Variants in PLCZ1 observed in about 807,000 individuals in gnomAD.
PLCZ1 encodes 1-phosphatidylinositol 4,5-bisphosphate phosphodiesterase zeta-1.
A neutral mutation model predicts 76.8 loss-of-function variants in PLCZ1; 64 were observed. The observed-to-expected ratio is 0.83, with a 90% CI of 0.68 to 1.03. The LOEUF (loss-of-function observed/expected upper bound fraction) is 1.03, where lower values mean the gene tolerates loss of function less well. PLCZ1 is among the 50% of genes least tolerant of loss of function. PLCZ1 has a pLI of 0.00. For synonymous variants in PLCZ1, 248 were observed against 230.8 expected, an observed-to-expected ratio of 1.07 and a Z score of -0.68; for missense variants, 751 against 713.7, an observed-to-expected ratio of 1.05 and a Z score of -0.60.
chr12:18,712,899 G>C lies in PLCZ1; in HGVS notation c.657C>G (p.Leu219=). ...CAGTTTTAAACAGAAGTTTGCTTGT[G>C]AGTGTGTAGCCATGATATACAACAG... ...NEPVVYHGYT[L]TSKLLFKTVI... Residue 219 remains leucine, a synonymous_variant, in exon 6 of 15, where the codon CTC becomes CTG. Coordinates refer to ENST00000266505, the MANE Select transcript of PLCZ1 (RefSeq NM_033123.4). The C allele has an allele frequency of 6.2e-7, 1 of 1,613,958 alleles. No homozygotes were observed. Among genetic ancestry groups the C allele is most frequent in the Non-Finnish European group, 8.5e-7 (1 of 1,179,866 alleles).
Position 18,701,704 on chromosome 12 carries a change from A to G in PLCZ1, c.937T>C (p.Ser313Pro). The G allele has an allele frequency of 6.2e-7, 1 of 1,613,002 alleles. No individual in the cohort carries two copies. Among genetic ancestry groups the G allele is most frequent in the Non-Finnish European group, 8.5e-7 (1 of 1,179,800 alleles). Residue 313 changes from serine to proline, a missense_variant, in exon 8 of 15, where the codon TCT (serine) becomes CCT (proline). Coordinates refer to ENST00000266505, the MANE Select transcript of PLCZ1 (RefSeq NM_033123.4). Reference sequence around the variant, plus strand: ...TCCTCCACCTTACCACGCTTATCAGAACCTTTTCTTTCATGGGTTTCCTTT... The same window carrying G: ...TCCTCCACCTTACCACGCTTATCAGGACCTTTTCTTTCATGGGTTTCCTTT... ...TLKETHERKG[S>P]DKRGDNQDKE...
At position 18,691,503 on chromosome 12, in the gene PLCZ1, A is replaced by T. The variant is rs1165862229; in HGVS notation, c.1462-3285T>A. Reference sequence around the variant, plus strand: ...GGTTTAAGGAAAGACTTTAGTTAACATAAATATCTTAAGGGAAGGCAGAGA... The same window carrying T: ...GGTTTAAGGAAAGACTTTAGTTAACTTAAATATCTTAAGGGAAGGCAGAGA... On this transcript the variant is annotated intron_variant, in intron 12 of 14. Transcript: ENST00000266505. Among the ~76,000 whole-genome samples, 6 of 152,270 alleles carry T rather than the reference A, an allele frequency of 3.9e-5. No homozygotes were observed. In the South Asian group the frequency reaches 6.2e-4, roughly 16 times the overall value.
chr12:18,683,343 C>G lies in PLCZ1; in HGVS notation c.1742-19G>C, dbSNP rs768586930. 1.2e-5 allele frequency: 20 copies of G among 1,607,778 alleles called. No individual in the cohort carries two copies. The highest frequency in any genetic ancestry group is 8.4e-5 in the Admixed American group (5 of 59,782). ...CGATAACCTGCAAAAGGAATTATAT[C>G]TAATTAGACCAATAACCAATTAATC... On this transcript the variant is annotated intron_variant, in intron 14 of 14. Transcript: ENST00000266505.
the PLCZ1 span, among the ~76,000 whole-genome samples, chr12:18,664,371 T>C: frequency 2.6e-5 from 4 of 152,210 alleles, no homozygotes; most frequent in African/African-American, 9.7e-5. Context: ...GTAACCCAAA[T>C]ATCCATTGAT....
intron 11 of PLCZ1, among the ~76,000 whole-genome samples, chr12:18,695,804 T>G (rs1430150320): frequency 6.6e-6 from 1 of 152,068 alleles, no homozygotes; most frequent in Non-Finnish European, 1.5e-5. Flanking sequence ...ATGATAGAGG[T>G]CACTTGATTT....
chr12:18,647,723 A>G, the PLCZ1 span, among the ~76,000 whole-genome samples: 1 of 152,176 alleles, frequency 6.6e-6, no homozygotes, highest in Non-Finnish European at 1.5e-5. Context: ...GCTTTTCAGA[A>G]TAAAAGTTAG....
chr12:18,732,646 G>GT (rs1959120353), intron 3 of PLCZ1, among the ~76,000 whole-genome samples: 1 of 152,018 alleles, frequency 6.6e-6, no homozygotes, highest in African/African-American at 2.4e-5. Flanking sequence ...CCCAGCCCTG[G>GT]TAACTATCAT....
At chr12:18,696,336 A>G in intron 10 of PLCZ1, 70 bp from the exon 11 acceptor site, 1 of 258,824 alleles carries the variant, frequency 3.9e-6, no homozygotes, top group Non-Finnish European at 6.6e-6. Context: ...ATATATATAT[A>G]TATATATATA....
intron 10 of PLCZ1, among the ~76,000 whole-genome samples, chr12:18,698,676 A>G (rs1242319931): frequency 2.0e-5 from 3 of 152,152 alleles, no homozygotes; most frequent in Non-Finnish European, 4.4e-5. Context: ...AAATATATTT[A>G]TGGAGTACAC....
the PLCZ1 span, among the ~76,000 whole-genome samples, chr12:18,656,085 ACCAG>A: frequency 6.6e-6 from 1 of 152,210 alleles, no homozygotes; most frequent in Non-Finnish European, 1.5e-5. Context: ...GGAGAGTGAC[ACCAG>A]CAAAAATGGT....
Position 18,719,589 on chromosome 12 carries a change from G to T in PLCZ1, c.411C>A (p.Tyr137Ter). The change falls in exon 5 of 15, where the codon TAC becomes TAA. Residue 137 changes from tyrosine (Y) to a stop codon, truncating the protein, a stop_gained. Coordinates refer to ENST00000266505, the MANE Select transcript of PLCZ1 (RefSeq NM_033123.4). LOFTEE classifies it high-confidence loss of function. ...ACAGTAGACATTCACGTGAATCCAT[G>T]TATCTTGTAAAACCTTCTAATGACA... Reference protein sequence around the residue: ...HQMSLEGFTRYMDSRECLLFK... With the variant: ...HQMSLEGFTR The T allele has an allele frequency of 6.2e-7, 1 of 1,606,438 alleles. No individual in the cohort carries two copies. The highest frequency in any genetic ancestry group is 8.5e-7 in the Non-Finnish European group (1 of 1,175,940).
downstream of PLCZ1, among the ~76,000 whole-genome samples, chr12:18,679,581 C>T (rs1484649699): frequency 1.3e-5 from 2 of 151,826 alleles, no homozygotes; most frequent in Non-Finnish European, 2.9e-5. Flanking sequence ...GTAAACATTG[C>T]CTCAATGTTT....
chr12:18,728,835 A>T (rs1031247939), intron 3 of PLCZ1, among the ~76,000 whole-genome samples: 2 of 152,078 alleles, frequency 1.3e-5, no homozygotes, highest in African/African-American at 4.8e-5. Context: ...TTAGAAGAGG[A>T]TATGGTGCTA....
intron 12 of PLCZ1, among the ~76,000 whole-genome samples, chr12:18,692,487 A>G (rs1042328759): frequency 6.6e-6 from 1 of 152,200 alleles, no homozygotes; most frequent in East Asian, 1.9e-4. Flanking sequence ...AACAAATCTT[A>G]GACAACTGCT....
Position 18,699,797 on chromosome 12 carries a change from G to T in PLCZ1, c.1171C>A (p.Arg391=), listed in dbSNP as rs138740994. Residue 391 remains arginine, a synonymous_variant, in exon 10 of 15, where the codon CGA becomes AGA. Coordinates refer to ENST00000266505, the MANE Select transcript of PLCZ1 (RefSeq NM_033123.4). The part of the protein sequence containing the change: ...ETQARKLSKL[R]VHEFIFHTRK... ...TATTTGAGTCACAAAAATTTACCTC[G>T]CAATTTTGAAAGTTTTCGGGCTTGT... 16 of 1,612,728 alleles carry T rather than the reference G, an allele frequency of 9.9e-6. No homozygotes were observed. The South Asian group carries it at 1.6e-4, about 17-fold the overall frequency.
intron 12 of PLCZ1, among the ~76,000 whole-genome samples, chr12:18,690,515 A>G (rs1237409103): frequency 1.3e-5 from 2 of 152,128 alleles, no homozygotes; most frequent in African/African-American, 4.8e-5. Context: ...GTGAGCCTCC[A>G]TACCCAGCCC....
the PLCZ1 span, chr12:18,648,151 A>G: frequency 1.1e-5 from 5 of 454,558 alleles, no homozygotes; most frequent in East Asian, 1.8e-4. Flanking sequence ...AAGGACACAG[A>G]AAAAAAATCA....
At chr12:18,701,387 A>G (rs1955893315) in intron 9 of PLCZ1, 114 bp downstream of exon 9, 1 of 1,540,250 alleles carries the variant, frequency 6.5e-7, no homozygotes, top group South Asian at 1.2e-5. Context: ...ATGATAGACT[A>G]GAGTTTTTAT....
rs1318443072 is a variant in PLCZ1, at chr12:18,697,091, T to A, written c.1175-825A>T. 2.6e-5 allele frequency among the ~76,000 whole-genome samples: 4 copies of A among 152,146 alleles called. No homozygotes were observed. In the East Asian group the frequency reaches 7.7e-4, roughly 29 times the overall value. On this transcript the variant is annotated intron_variant, in intron 10 of 14. Transcript: ENST00000266505. Reference sequence around the variant, plus strand: ...TTCAAATTTTTGAACACAAATTTCATGCTTCTCCAAGGATTTTCTTTTTTC... The same window carrying A: ...TTCAAATTTTTGAACACAAATTTCAAGCTTCTCCAAGGATTTTCTTTTTTC...
Sources: allele counts gnomAD v4.1 joint callset (sites outside exome capture counted in the v4.1 genomes callset), GRCh38; gene constraint gnomAD v4.1.1; transcripts MANE v1.5; gene names NCBI Gene and HGNC (gene_info 2026-07-23, HGNC 2026-07-21).